LDLRAD3: variants seen among roughly 807,000 people sequenced by gnomAD.
LDLRAD3 encodes low density lipoprotein receptor class A domain containing 3, also known as low-density lipoprotein receptor class A domain-containing protein 3.
LDLRAD3 carries 20 observed loss-of-function variants against 29.4 expected under a neutral mutation model. The ratio of observed to expected loss-of-function variants is 0.68; its 90% CI spans 0.48 to 0.99. The LOEUF (loss-of-function observed/expected upper bound fraction) is 0.99. LDLRAD3 is among the 50% of genes least tolerant of loss of function. The pLI, the probability that LDLRAD3 is intolerant of heterozygous loss-of-function variation, is 0.00. For missense variants in LDLRAD3, 420 were observed against 454.3 expected (o/e 0.92, Z 0.69); for synonymous variants, 157 against 192.7 (o/e 0.81, Z 1.53).
intron 4 of LDLRAD3, among the ~76,000 whole-genome samples, chr11:36,177,066 G>A (rs558128280): frequency 4.6e-5 from 7 of 151,184 alleles, no homozygotes; most frequent in Non-Finnish European, 7.4e-5. Flanking sequence ...CCTTGTCTTC[G>A]AGCTCTGAAG....
At chr11:36,115,332 T>G (rs7108580) in intron 4 of LDLRAD3, among the ~76,000 whole-genome samples, 3 of 152,204 alleles carry the variant, frequency 2.0e-5, no homozygotes, top group Admixed American at 2.0e-4. Flanking sequence ...TGATTTGTTA[T>G]GTAGTAGTTG....
intron 2 of LDLRAD3, among the ~76,000 whole-genome samples, chr11:36,071,904 C>T (rs964868359): frequency 6.6e-6 from 1 of 152,224 alleles, no homozygotes; most frequent in Non-Finnish European, 1.5e-5. Flanking sequence ...GTTTTTGAGA[C>T]CATGCTGTAA....
chr11:36,090,580 G>C (rs1364637635), intron 3 of LDLRAD3, among the ~76,000 whole-genome samples: 1 of 152,194 alleles, frequency 6.6e-6, no homozygotes, highest in Non-Finnish European at 1.5e-5. Flanking sequence ...TGTCCAGGAA[G>C]CCTTTACCGA....
intron 1 of LDLRAD3, chr11:35,988,774 G>C (rs1204750947): frequency 6.6e-6 from 1 of 151,858 alleles, no homozygotes; most frequent in Non-Finnish European, 1.5e-5. Flanking sequence ...TAGTAGAGTT[G>C]GGGTTTCACT....
At chr11:36,147,864 T>C (rs1309742345) in intron 4 of LDLRAD3, among the ~76,000 whole-genome samples, 1 of 152,082 alleles carries the variant, frequency 6.6e-6, no homozygotes, top group African/African-American at 2.4e-5. Context: ...ATTAGTTGTT[T>C]TTTATTTTTA....
At chr11:35,974,589 A>G (rs1851453699) in intron 1 of LDLRAD3, among the ~76,000 whole-genome samples, 1 of 152,260 alleles carries the variant, frequency 6.6e-6, no homozygotes, top group African/African-American at 2.4e-5. Flanking sequence ...TCAGGTTATT[A>G]GCAAAATTCA....
chr11:36,048,652 T>C (rs1268885400), intron 2 of LDLRAD3, among the ~76,000 whole-genome samples: 1 of 152,192 alleles, frequency 6.6e-6, no homozygotes, highest in African/African-American at 2.4e-5. Flanking sequence ...TTTAGTTAAG[T>C]CTCCTGTCAC....
chr11:36,043,377 G>A (rs897661960), intron 2 of LDLRAD3, among the ~76,000 whole-genome samples: 3 of 152,312 alleles, frequency 2.0e-5, no homozygotes, highest in African/African-American at 7.2e-5. Flanking sequence ...ACAGGCTGAC[G>A]TCTGCAGACA....
rs190295857 is a variant in LDLRAD3, at chr11:36,045,980, C to A, written c.193+9731C>A. Reference sequence around the variant, plus strand: ...CCCTCCCTTCGTCCCCCACCCCCAACAGGCCCCAGTGTGTGATGTTCCCCT... The same window carrying A: ...CCCTCCCTTCGTCCCCCACCCCCAAAAGGCCCCAGTGTGTGATGTTCCCCT... On this transcript the variant is annotated intron_variant, in intron 2 of 5. Transcript: ENST00000315571. 5.6e-3 allele frequency among the ~76,000 whole-genome samples: 858 copies of A among 151,968 alleles called. 7 individuals are homozygous for A. The highest frequency in any genetic ancestry group is 0.02 in the African/African-American group (820 of 41,440).
At chr11:36,025,625 G>GA in intron 1 of LDLRAD3, among the ~76,000 whole-genome samples, 1 of 151,726 alleles carries the variant, frequency 6.6e-6, no homozygotes, top group East Asian at 1.9e-4. Context: ...TCCTGACCTT[G>GA]TGATCTGCCC....
At chr11:36,158,861 C>T (rs779453316) in intron 4 of LDLRAD3, among the ~76,000 whole-genome samples, 9 of 151,930 alleles carry the variant, frequency 5.9e-5, no homozygotes, top group East Asian at 1.9e-4. Flanking sequence ...TCCATGTATA[C>T]GTTGTGTAAT....
chr11:36,231,020 G>A lies in LDLRAD3; in HGVS notation c.*1623G>A, dbSNP rs940718903. 6.6e-6 allele frequency: 1 copy of A among 152,564 alleles called. No individual in the cohort carries two copies. Among genetic ancestry groups the A allele is most frequent in the South Asian group, 2.1e-4 (1 of 4,828 alleles). 9.5% of individuals were successfully genotyped at this position (152,564 alleles called of 1,614,324 possible). A position where few individuals can be genotyped will look rare whatever the true frequency, so the allele number is the denominator to read the frequency against. ...TCCCTGCAGGAATAAGGGGTAAAAC[G>A]TTAGGTGTTGTTTGGCAAGAAACCA... is the stretch of plus-strand genomic sequence containing the variant. On this transcript the variant is annotated 3_prime_UTR_variant, in exon 6 of 6. Transcript: ENST00000315571.
At chr11:36,083,927 CT>C (rs914582564) in intron 3 of LDLRAD3, among the ~76,000 whole-genome samples, 2 of 151,102 alleles carry the variant, frequency 1.3e-5, no homozygotes, top group African/African-American at 2.4e-5. Flanking sequence ...TTAATTTTCT[CT>C]TTTTTTTTGA....
At chr11:36,102,369 TG>T (rs1288235126) in intron 4 of LDLRAD3, among the ~76,000 whole-genome samples, 1 of 152,206 alleles carries the variant, frequency 6.6e-6, no homozygotes, top group African/African-American at 2.4e-5. Context: ...TTTATCTTGA[TG>T]GGGTAGAGCA....
intron 3 of LDLRAD3, among the ~76,000 whole-genome samples, chr11:36,097,614 A>G (rs1011968695): frequency 1.3e-5 from 2 of 152,214 alleles, no homozygotes; most frequent in African/African-American, 4.8e-5. Flanking sequence ...AAGGGTGAGT[A>G]GGGGGAAGGG....
In LDLRAD3 at chr11:36,145,434, G is replaced by C. The variant is rs534255162; in HGVS notation, c.454+46973G>C. Reference sequence around the variant, plus strand: ...CCACCCCATCCGGGAGGTGAGGGGCGCCTCTGCCCGGCCGCCCCTACTGGG... The same window carrying C: ...CCACCCCATCCGGGAGGTGAGGGGCCCCTCTGCCCGGCCGCCCCTACTGGG... On this transcript the variant is annotated intron_variant, in intron 4 of 5. Transcript: ENST00000315571. 1.2e-3 allele frequency among the ~76,000 whole-genome samples: 135 copies of C among 114,460 alleles called. 22 individuals carry two copies. The highest frequency in any genetic ancestry group is 4.7e-3 in the Middle Eastern group (1 of 214). 75.1% of individuals were successfully genotyped at this position (114,460 alleles called of 152,430 possible). A position where few individuals can be genotyped will look rare whatever the true frequency, so the allele number is the denominator to read the frequency against.
chr11:36,175,894 T>C (rs185252317), intron 4 of LDLRAD3, among the ~76,000 whole-genome samples: 2 of 152,332 alleles, frequency 1.3e-5, no homozygotes, highest in African/African-American at 4.8e-5. Flanking sequence ...TCTAGTGCTA[T>C]CAGTGGAGTA....
At chr11:36,101,462 G>C (rs1420283940) in intron 4 of LDLRAD3, among the ~76,000 whole-genome samples, 1 of 152,138 alleles carries the variant, frequency 6.6e-6, no homozygotes. Flanking sequence ...TAAGTTATGT[G>C]AGTTCAGATA....
chr11:36,012,417 C>T (rs1004333715), intron 1 of LDLRAD3, among the ~76,000 whole-genome samples: 9 of 152,090 alleles, frequency 5.9e-5, no homozygotes, highest in East Asian at 1.9e-4. Context: ...CTTACTAAGT[C>T]GAGAACTTTC....
Sources: allele counts gnomAD v4.1 joint callset (sites outside exome capture counted in the v4.1 genomes callset), GRCh38; gene constraint gnomAD v4.1.1; transcripts MANE v1.5; gene names NCBI Gene and HGNC (gene_info 2026-07-23, HGNC 2026-07-21).